The following HTATSF1 variants were observed in gnomAD, a reference collection of about 807,000 sequenced individuals.
HTATSF1 encodes the protein HIV-1 Tat specific factor 1, also known as 17S U2 SnRNP complex component HTATSF1.
In HTATSF1, 6 loss-of-function variants were observed where a neutral mutation model predicts 46.1. The observed-to-expected ratio is 0.13, with a 90% CI of 0.07 to 0.26. The LOEUF (loss-of-function observed/expected upper bound fraction) is 0.26, where lower values mean the gene tolerates loss of function less well. Ranked by LOEUF, HTATSF1 falls within the 10% of genes least tolerant of loss-of-function variation. The pLI is 1.00. For synonymous variants in HTATSF1, 226 were observed against 211.5 expected, an observed-to-expected ratio of 1.07 and a Z score of -0.60; for missense variants, 452 against 559.9, an observed-to-expected ratio of 0.81 and a Z score of 1.94.
rs2075760272 is a variant in HTATSF1, at chrX:136,510,070, TTATC to T, written c.925-10_925-7del. The T allele has an allele frequency of 8.4e-7, 1 of 1,189,927 alleles. No homozygotes were observed. Among genetic ancestry groups the T allele is most frequent in the African/African-American group, 1.8e-5 (1 of 56,302 alleles). Reference sequence around the variant, plus strand: ...ATCATTCATTCCTTTTTTTTCTTTCTTATCTTTCTAGAGGCACCCAGATGGTGTG... The same window carrying T: ...ATCATTCATTCCTTTTTTTTCTTTCTTTTCTAGAGGCACCCAGATGGTGTG... On this transcript the variant is annotated splice_region_variant and splice_polypyrimidine_tract_variant and intron_variant, in intron 7 of 8. Coordinates refer to ENST00000218364, the MANE Select transcript of HTATSF1 (RefSeq NM_014500.5).
rs2075773201 is a variant in HTATSF1 at position 136,512,241 on chromosome X, T to C, written c.*228T>C. On this transcript the variant is annotated 3_prime_UTR_variant, in exon 9 of 9. Transcript: ENST00000218364. Reference sequence around the variant, plus strand: ...GCAAGTAAACTGGATACTTGTTCTTTTGTCAGATTTGTTAAATGCATGCAG... The same window carrying C: ...GCAAGTAAACTGGATACTTGTTCTTCTGTCAGATTTGTTAAATGCATGCAG... 3.4e-6 allele frequency: 1 copy of C among 294,833 alleles called. No individual in the cohort carries two copies. The highest frequency in any genetic ancestry group is 2.7e-5 in the African/African-American group (1 of 36,620). The allele number at this position is 294,833 out of a possible 1,213,427, so 24.3% of individuals were successfully genotyped here.
At chrX:136,500,563 C>T (rs2075713528) in intron 3 of HTATSF1, 101 bp from the exon 4 acceptor site, 2 of 535,244 alleles carry the variant, frequency 3.7e-6, no homozygotes, top group Admixed American at 3.9e-5. Context: ...AGAAAATCAA[C>T]ATTGCATTCA....
At chrX:136,505,362 C>T (rs998019293) in intron 6 of HTATSF1, among the ~76,000 whole-genome samples, 2 of 111,641 alleles carry the variant, frequency 1.8e-5, no homozygotes, top group Non-Finnish European at 3.8e-5. Context: ...GACAGTTCAG[C>T]TCTATCTCAA....
rs1410024164 is a variant in HTATSF1, at chrX:136,512,295, G to A, written c.*282G>A. The A allele has an allele frequency of 8.9e-6, 2 of 223,687 alleles. No homozygotes were observed. Among genetic ancestry groups the A allele is most frequent in the African/African-American group, 2.9e-5 (1 of 34,816 alleles). 18.4% of individuals were successfully genotyped at this position (223,687 alleles called of 1,213,427 possible). On this transcript the variant is annotated 3_prime_UTR_variant, in exon 9 of 9. Coordinates refer to ENST00000218364, the MANE Select transcript of HTATSF1 (RefSeq NM_014500.5). ...AATATTTTTAAGAGTATTGATTGAA[G>A]TTTGTGATATTCATCAATAAAAATG... is the stretch of plus-strand genomic sequence containing the variant.
At chrX:136,510,767 G>C in intron 8 of HTATSF1, 41 bp from the exon 9 acceptor site, 1 of 1,149,641 alleles carries the variant, frequency 8.7e-7, no homozygotes, top group Non-Finnish European at 1.2e-6. Context: ...GTAACCTTTT[G>C]CCTGAAACTT....
intron 7 of HTATSF1, 63 bp downstream of exon 7, chrX:136,509,243 C>T (rs1024893824): frequency 1.2e-6 from 1 of 806,867 alleles, no homozygotes; most frequent in African/African-American, 2.0e-5. Context: ...ATAAGTTCTT[C>T]TCAGATGTTA....
At position 136,504,354 on chromosome X, in the gene HTATSF1, A is replaced by T. The variant is rs771480454; in HGVS notation, c.735-10A>T. The T allele has an allele frequency of 1.7e-6, 2 of 1,194,714 alleles. No homozygotes were observed. On this transcript the variant is annotated splice_polypyrimidine_tract_variant and intron_variant, in intron 5 of 8. Coordinates refer to ENST00000218364, the MANE Select transcript of HTATSF1 (RefSeq NM_014500.5). ...ATTTACAGTTTGTTGTTACTGCTTC[A>T]TTGCCTCAGGCAGTTGGATTGGAGA...
In HTATSF1 at chrX:136,511,510, G is replaced by A. The variant is rs767612293; in HGVS notation, c.1765G>A (p.Asp589Asn). 1 of 1,209,476 alleles carries A rather than the reference G, an allele frequency of 8.3e-7. No homozygotes were observed. Residue 589 changes from aspartate (D) to asparagine (N), a missense_variant, in exon 9 of 9, where the codon GAC (aspartate) becomes AAC (asparagine). Physicochemically the swap from Asp to Asn is conservative, Grantham distance 23. Transcript: ENST00000218364. ...SEKELHENVL[D>N]KELEENDSEN... is the part of the protein sequence containing the mutation. ...AAAGGAGCTTCATGAAAATGTTCTT[G>A]ACAAAGAGTTAGAAGAAAATGACTC...
Position 136,500,652 on chromosome X carries a change from C to T in HTATSF1, c.416-12C>T, listed in dbSNP as rs1345827543. ...CAATTATAAATGTTTTTTAATTTTT[C>T]TTAAATGACAGGTTTGCCTCCAGAT... On this transcript the variant is annotated splice_polypyrimidine_tract_variant and intron_variant, in intron 3 of 8. Transcript: ENST00000218364. The T allele has an allele frequency of 1.8e-6, 2 of 1,081,675 alleles. No homozygotes were observed. The highest frequency in any genetic ancestry group is 2.5e-6 in the Non-Finnish European group (2 of 814,831). 89.1% of individuals were successfully genotyped at this position (1,081,675 alleles called of 1,213,427 possible).
chrX:136,510,026 GT>G, intron 7 of HTATSF1, 55 bp from the exon 8 acceptor site: 2 of 1,081,301 alleles, frequency 1.8e-6, no homozygotes, highest in East Asian at 3.1e-5. Flanking sequence ...TGAAATGTAT[GT>G]GTTTTATTTT....
At chrX:136,503,414 C>T (rs2075728198) in intron 5 of HTATSF1, among the ~76,000 whole-genome samples, 1 of 112,041 alleles carries the variant, frequency 8.9e-6, no homozygotes, top group Non-Finnish European at 1.9e-5. Context: ...GTTTAATATA[C>T]TTTGAAATAT....
In HTATSF1 at chrX:136,504,406, G is replaced by C; in HGVS notation, c.777G>C (p.Arg259=). ...CTGAGAGGCGAGCCGGACCATCCCG[G>C]ATGCGCCATGAGCGAGTTGTCATCA... ...WRPERRAGPS[R]MRHERVVIIK... is the part of the protein sequence containing the mutation. Residue 259 remains arginine, a synonymous_variant, in exon 6 of 9, where the codon CGG becomes CGC. Coordinates refer to ENST00000218364, the MANE Select transcript of HTATSF1 (RefSeq NM_014500.5). The C allele has an allele frequency of 2.5e-6, 3 of 1,210,581 alleles. No individual in the cohort carries two copies. Among genetic ancestry groups the C allele is most frequent in the Non-Finnish European group, 3.4e-6 (3 of 894,855 alleles).
At chrX:136,500,106 T>G (rs958820003) in intron 2 of HTATSF1, 52 bp from the exon 3 acceptor site, 2 of 803,775 alleles carry the variant, frequency 2.5e-6, no homozygotes, top group African/African-American at 4.1e-5. Flanking sequence ...ATAATATGAC[T>G]CTTATCTTTT....
chrX:136,507,866 T>C (rs2075749545), intron 6 of HTATSF1, among the ~76,000 whole-genome samples: 1 of 111,177 alleles, frequency 9.0e-6, no homozygotes, highest in Admixed American at 9.6e-5. Context: ...GCACTCACTC[T>C]AATAGGAGCT....
rs1423048275 is a variant in HTATSF1, at chrX:136,509,197, G to A, written c.924+17G>A. The A allele has an allele frequency of 5.6e-6, 6 of 1,080,556 alleles. No homozygotes were observed. The highest frequency in any genetic ancestry group is 7.7e-6 in the Non-Finnish European group (6 of 776,151). 89.0% of individuals were successfully genotyped at this position (1,080,556 alleles called of 1,213,427 possible). A position where few individuals can be genotyped will look rare whatever the true frequency, so the allele number is the denominator to read the frequency against. On this transcript the variant is annotated intron_variant, in intron 7 of 8. Coordinates refer to ENST00000218364, the MANE Select transcript of HTATSF1 (RefSeq NM_014500.5). ...CTCTTTGATGTAAGTTCATGGCTTGGACATATGGATCCTAAAGCAATAATT... is the reference window on the plus strand; with the variant it reads ...CTCTTTGATGTAAGTTCATGGCTTGAACATATGGATCCTAAAGCAATAATT...
chrX:136,499,655 G>C lies in HTATSF1; in HGVS notation c.244G>C (p.Ala82Pro). The change falls in exon 2 of 9, where the codon GCA (alanine) becomes CCA (proline). Residue 82 changes from alanine (A) to proline (P), a missense_variant. Physicochemically the swap from Ala to Pro is conservative, Grantham distance 27. Transcript: ENST00000218364. ...CAATTATGGCTTCTCTAACGATGGC[G>C]CATCTAGTTCTACCGCAAATGTTGA... Reference protein sequence around the residue: ...QANYGFSNDGASSSTANVEDV... With the variant: ...QANYGFSNDGPSSSTANVEDV... 8.4e-7 allele frequency: 1 copy of C among 1,197,254 alleles called. No homozygotes were observed. Among genetic ancestry groups the C allele is most frequent in the Non-Finnish European group, 1.1e-6 (1 of 889,486 alleles).
At chrX:136,510,241 G>T (rs2075761165) in intron 8 of HTATSF1, 22 bp downstream of exon 8, 1 of 1,196,196 alleles carries the variant, frequency 8.4e-7, no homozygotes, top group South Asian at 1.8e-5. Flanking sequence ...TGCTTGTCAA[G>T]GGCACACACA....
rs3027849 is a variant in HTATSF1, at chrX:136,511,470, C to T, written c.1725C>T (p.Asp575=). Residue 575 remains aspartate, a synonymous_variant, in exon 9 of 9, where the codon GAC becomes GAT. Transcript: ENST00000218364. ...FEENGLEKDL[D]EEGSEKELHE... is the part of the protein sequence containing the mutation. ...AAAATGGTCTCGAGAAAGATTTGGA[C>T]GAGGAAGGTTCTGAAAAGGAGCTTC... The T allele has an allele frequency of 0.12, 150,377 of 1,206,778 alleles. 7,272 individuals carry two copies. The highest frequency in any genetic ancestry group is 0.24 in the Admixed American group (10,956 of 45,244).
At chrX:136,507,279 C>A (rs2075746353) in intron 6 of HTATSF1, among the ~76,000 whole-genome samples, 1 of 112,103 alleles carries the variant, frequency 8.9e-6, no homozygotes, top group Non-Finnish European at 1.9e-5. Context: ...CCTAAGAATA[C>A]TGTCTGATCT....
Sources: allele counts gnomAD v4.1 joint callset (sites outside exome capture counted in the v4.1 genomes callset), GRCh38; gene constraint gnomAD v4.1.1; transcripts MANE v1.5; gene names NCBI Gene and HGNC (gene_info 2026-07-23, HGNC 2026-07-21).